Variants in EBF1 observed in about 807,000 individuals in gnomAD.
The protein encoded by EBF1 is transcription factor COE1.
In EBF1, 10 loss-of-function variants were observed where a neutral mutation model predicts 68.4. The ratio of observed to expected loss-of-function variants is 0.15; its 90% CI spans 0.09 to 0.25. The LOEUF (loss-of-function observed/expected upper bound fraction) is 0.25, where lower values mean the gene tolerates loss of function less well. Among genes scored for constraint, EBF1 ranks in the 10% least tolerant of loss-of-function variants. The probability of loss-of-function intolerance (pLI) is 1.00; values close to 1 mark genes in which losing one functional copy is unlikely to be tolerated. For synonymous variants in EBF1, 298 were observed against 299.8 expected (o/e 0.99, Z 0.06); for missense variants, 509 against 794.4 (o/e 0.64, Z 4.32).
intron 6 of EBF1, among the ~76,000 whole-genome samples, chr5:158,886,266 A>G (rs1020758183): frequency 1.3e-5 from 2 of 152,248 alleles, no homozygotes; most frequent in Non-Finnish European, 2.9e-5. Context: ...TACAAACCCA[A>G]CAGACGCTCC....
chr5:158,817,972 A>G (rs918789224), intron 8 of EBF1, among the ~76,000 whole-genome samples: 3 of 152,210 alleles, frequency 2.0e-5, no homozygotes, highest in African/African-American at 7.2e-5. Context: ...CTCTGTTCCC[A>G]GGAAGCTCTA....
chr5:158,862,283 C>T (rs976470917), intron 6 of EBF1, among the ~76,000 whole-genome samples: 1 of 152,106 alleles, frequency 6.6e-6, no homozygotes. Context: ...GGGAAAACTT[C>T]AAAAAGTGGC....
At chr5:159,098,081 C>G (rs765998499) in intron 1 of EBF1, among the ~76,000 whole-genome samples, 56 of 152,266 alleles carry the variant, frequency 3.7e-4, no homozygotes, top group Non-Finnish European at 6.3e-4. Flanking sequence ...TTGTCCCCAG[C>G]CCAGGGAAGC....
Position 158,712,161 on chromosome 5 carries a change from G to C in EBF1, c.1542C>G (p.Pro514=), listed in dbSNP as rs770360981. The part of the protein sequence containing the change: ...TFLNGSAANS[P]YAIVPSSPTM... ...ATATGCATCTCTACTTACTGGCATA[G>C]GGGGAGTTGGCAGCTGAGCCGTTGA... Residue 514 remains proline (P), a synonymous_variant, in exon 14 of 16, where the codon CCC becomes CCG. Coordinates refer to ENST00000313708, the MANE Select transcript of EBF1 (RefSeq NM_024007.5). The C allele has an allele frequency of 1.8e-5, 29 of 1,613,632 alleles. No homozygotes were observed. The African/African-American group carries it at 3.2e-4, about 18-fold the overall frequency.
chr5:158,994,687 T>C (rs1283490718), intron 6 of EBF1, among the ~76,000 whole-genome samples: 1 of 152,228 alleles, frequency 6.6e-6, no homozygotes, highest in African/African-American at 2.4e-5. Context: ...ATTTTATCAT[T>C]GGAATGGTTA....
chr5:158,810,756 T>C (rs1377310621), intron 8 of EBF1, among the ~76,000 whole-genome samples: 1 of 152,214 alleles, frequency 6.6e-6, no homozygotes, highest in Non-Finnish European at 1.5e-5. Context: ...TGCTTAGCGT[T>C]CAGATATGCA....
chr5:158,977,871 G>A (rs1159125556), intron 6 of EBF1, among the ~76,000 whole-genome samples: 1 of 152,146 alleles, frequency 6.6e-6, no homozygotes, highest in Admixed American at 6.5e-5. Context: ...AGGGAGGAGA[G>A]AGAAAGAGAC....
At chr5:158,856,531 G>C (rs1440844727) in intron 6 of EBF1, among the ~76,000 whole-genome samples, 1 of 152,200 alleles carries the variant, frequency 6.6e-6, no homozygotes, top group Non-Finnish European at 1.5e-5. Context: ...GATTCTTTTA[G>C]AAGGAAAGAT....
rs371035352 is a variant in EBF1 at position 159,084,628 on chromosome 5, C to T, written c.485+38G>A. The T allele has an allele frequency of 1.6e-4, 230 of 1,454,962 alleles. 1 individual carries two copies. The African/African-American group carries it at 2.9e-3, about 19-fold the overall frequency. 90.1% of individuals were successfully genotyped at this position (1,454,962 alleles called of 1,614,324 possible). On this transcript the variant is annotated intron_variant, in intron 5 of 15. Transcript: ENST00000313708. ...GATTTGAAATGCAAATTCATCTTCTCTTTGCTAATTAACGGGAGAGACCAA... is the reference window on the plus strand; with the variant it reads ...GATTTGAAATGCAAATTCATCTTCTTTTTGCTAATTAACGGGAGAGACCAA...
chr5:158,760,657 G>T (rs566869968), intron 10 of EBF1, among the ~76,000 whole-genome samples: 1 of 152,232 alleles, frequency 6.6e-6, no homozygotes, highest in South Asian at 2.1e-4. Context: ...ATGAGCGAAG[G>T]AATGCTGTTC....
At chr5:158,754,971 A>T (rs779150978) in intron 10 of EBF1, among the ~76,000 whole-genome samples, 9 of 152,084 alleles carry the variant, frequency 5.9e-5, no homozygotes, top group Non-Finnish European at 8.8e-5. Context: ...AGTAACCTCA[A>T]ATCTCTCATG....
intron 6 of EBF1, among the ~76,000 whole-genome samples, chr5:159,021,470 A>T (rs1766667884): frequency 6.6e-6 from 1 of 152,204 alleles, no homozygotes; most frequent in African/African-American, 2.4e-5. Flanking sequence ...CGAACAATCC[A>T]AGCAACTCTA....
chr5:158,817,862 G>A (rs553679733), intron 8 of EBF1, among the ~76,000 whole-genome samples: 9 of 152,280 alleles, frequency 5.9e-5, no homozygotes, highest in Admixed American at 3.9e-4. Flanking sequence ...TGTAGTGCCT[G>A]CTTAGTATGA....
intron 6 of EBF1, among the ~76,000 whole-genome samples, chr5:158,925,288 A>G (rs1809438707): frequency 6.6e-6 from 1 of 152,218 alleles, no homozygotes; most frequent in African/African-American, 2.4e-5. Flanking sequence ...GCTCCCTGCT[A>G]GGATGCAAGA....
chr5:159,004,342 T>C (rs564559307), intron 6 of EBF1, among the ~76,000 whole-genome samples: 1 of 151,992 alleles, frequency 6.6e-6, no homozygotes, highest in South Asian at 2.1e-4. Flanking sequence ...CTCCTCACTC[T>C]GACTATATTA....
chr5:158,990,330 A>G (rs1359477482), intron 6 of EBF1, among the ~76,000 whole-genome samples: 1 of 152,202 alleles, frequency 6.6e-6, no homozygotes, highest in Non-Finnish European at 1.5e-5. Context: ...AGCCAGCTCA[A>G]GCTTCTTCAC....
chr5:158,707,220 A>C (rs1488576697), intron 15 of EBF1, among the ~76,000 whole-genome samples: 2 of 152,216 alleles, frequency 1.3e-5, no homozygotes, highest in East Asian at 3.9e-4. Flanking sequence ...TCAACATATG[A>C]CACACAACAG....
intron 6 of EBF1, among the ~76,000 whole-genome samples, chr5:158,956,825 C>A (rs1377889163): frequency 7.1e-6 from 1 of 141,132 alleles, no homozygotes; most frequent in Non-Finnish European, 1.5e-5. Flanking sequence ...GTGGCGCGAT[C>A]TGGGCTCACT....
intron 4 of EBF1, among the ~76,000 whole-genome samples, chr5:159,094,110 C>G (rs1370035880): frequency 9.8e-6 from 1 of 101,624 alleles, no homozygotes; most frequent in Non-Finnish European, 1.9e-5. Flanking sequence ...ATTTTGACAT[C>G]GCAAAAGAAA....
Sources: allele counts gnomAD v4.1 joint callset (sites outside exome capture counted in the v4.1 genomes callset), GRCh38; gene constraint gnomAD v4.1.1; transcripts MANE v1.5; gene names NCBI Gene and HGNC (gene_info 2026-07-23, HGNC 2026-07-21).